Variants in LINGO2 observed in about 807,000 individuals in gnomAD.
The protein encoded by LINGO2 is leucine-rich repeat and immunoglobulin-like domain-containing nogo receptor-interacting protein 2.
A neutral mutation model predicts 30.6 loss-of-function variants in LINGO2; 14 were observed. That is an observed-to-expected ratio of 0.46 (90% CI 0.30 to 0.72). LINGO2 has a LOEUF of 0.72. Ranked by LOEUF, LINGO2 falls within the 30% of genes least tolerant of loss-of-function variation. The probability of loss-of-function intolerance (pLI) is 0.07; values close to 1 mark genes in which losing one functional copy is unlikely to be tolerated. For synonymous variants in LINGO2, 317 were observed against 288.5 expected, an observed-to-expected ratio of 1.10 and a Z score of -1.00; for missense variants, 729 against 751.7, an observed-to-expected ratio of 0.97 and a Z score of 0.35.
At chr9:28,996,769 A>C in the LINGO2 span, among the ~76,000 whole-genome samples, 2 of 152,222 alleles carry the variant, frequency 1.3e-5, no homozygotes, top group Admixed American at 6.5e-5. Flanking sequence ...TAATTCAATG[A>C]TACCTCATAT....
intron 1 of LINGO2, among the ~76,000 whole-genome samples, chr9:28,613,394 G>A (rs960768120): frequency 6.6e-6 from 1 of 151,814 alleles, no homozygotes; most frequent in African/African-American, 2.4e-5. Context: ...GTGTGTGTGT[G>A]TGTATATAGC....
At chr9:29,179,500 G>A in the LINGO2 span, among the ~76,000 whole-genome samples, 6 of 152,088 alleles carry the variant, frequency 3.9e-5, no homozygotes, top group Admixed American at 1.3e-4. Context: ...CGTTTCCAGG[G>A]TTCAAGCAAT....
chr9:28,585,970 G>A (rs1729954470), intron 1 of LINGO2, among the ~76,000 whole-genome samples: 1 of 151,878 alleles, frequency 6.6e-6, no homozygotes, highest in Non-Finnish European at 1.5e-5. Flanking sequence ...TTTCTGGGTT[G>A]AGCATACCTC....
At chr9:28,338,126 C>T (rs149302874) in intron 3 of LINGO2, among the ~76,000 whole-genome samples, 226 of 152,272 alleles carry the variant, frequency 1.5e-3, no homozygotes, top group Non-Finnish European at 2.6e-3. Context: ...CAGAGCTGCC[C>T]AAGGCCATGG....
chr9:29,153,390 T>C, the LINGO2 span, among the ~76,000 whole-genome samples: 1 of 152,198 alleles, frequency 6.6e-6, no homozygotes, highest in Non-Finnish European at 1.5e-5. Context: ...TTATTTCTAA[T>C]GTTAATTATC....
intron 2 of LINGO2, among the ~76,000 whole-genome samples, chr9:28,417,489 C>T (rs886469224): frequency 1.3e-5 from 2 of 152,148 alleles, no homozygotes; most frequent in African/African-American, 2.4e-5. Context: ...AGAAATAATA[C>T]ACTACATAAT....
At chr9:28,845,322 T>G in the LINGO2 span, among the ~76,000 whole-genome samples, 1 of 151,952 alleles carries the variant, frequency 6.6e-6, no homozygotes, top group Non-Finnish European at 1.5e-5. Context: ...CTCTGAATAC[T>G]CTGTGAAAAC....
chr9:28,630,082 C>A lies in LINGO2; in HGVS notation c.-365+40118G>T, dbSNP rs538674056. ...TGATGATTTCCAATTTCATCCATGT[C>A]CCTACAAAGGACATGAACTCTTCAT... On this transcript the variant is annotated intron_variant, in intron 1 of 5. Transcript: ENST00000379992. Among the ~76,000 whole-genome samples, 4 of 152,100 alleles carry A rather than the reference C, an allele frequency of 2.6e-5. No individual in the cohort carries two copies. The East Asian group carries it at 7.8e-4, about 29-fold the overall frequency.
the LINGO2 span, among the ~76,000 whole-genome samples, chr9:29,031,777 T>A: frequency 2.3e-4 from 35 of 152,320 alleles, no homozygotes; most frequent in African/African-American, 8.4e-4. Flanking sequence ...TATGAAACTC[T>A]AAGTGATAAA....
At chr9:28,659,393 A>AT in intron 1 of LINGO2, among the ~76,000 whole-genome samples, 1 of 152,184 alleles carries the variant, frequency 6.6e-6, no homozygotes, top group South Asian at 2.1e-4. Context: ...AGGAGGAAAG[A>AT]TTACCTTCTT....
In LINGO2 at chr9:28,627,960, A is replaced by G. The variant is rs374497433; in HGVS notation, c.-365+42240T>C. Among the ~76,000 whole-genome samples the G allele has an allele frequency of 5.9e-5, 9 of 152,160 alleles. No homozygotes were observed. In the South Asian group the frequency reaches 1.5e-3, roughly 25 times the overall value. ...TATATAACTATGGCAGAAAGAAAAA[A>G]GTTTTTACCTATGCTTACTTGTGTG... On this transcript the variant is annotated intron_variant, in intron 1 of 5. Coordinates refer to ENST00000379992, the Ensembl canonical transcript of LINGO2.
At chr9:28,054,299 T>G (rs1165389134) in intron 4 of LINGO2, among the ~76,000 whole-genome samples, 1 of 152,152 alleles carries the variant, frequency 6.6e-6, no homozygotes, top group Non-Finnish European at 1.5e-5. Context: ...GAGCTACAGC[T>G]GCATCTTAGA....
intron 4 of LINGO2, among the ~76,000 whole-genome samples, chr9:28,204,700 T>A (rs192936930): frequency 1.3e-5 from 2 of 152,278 alleles, no homozygotes; most frequent in African/African-American, 4.8e-5. Context: ...CCAAGAAGAA[T>A]TTGTGTTTTT....
chr9:28,642,372 C>T (rs1827632705), intron 1 of LINGO2, among the ~76,000 whole-genome samples: 1 of 152,050 alleles, frequency 6.6e-6, no homozygotes, highest in Non-Finnish European at 1.5e-5. Flanking sequence ...ATAATCAATA[C>T]CATCTTAATT....
chr9:28,027,163 A>T (rs1215263777), intron 4 of LINGO2, among the ~76,000 whole-genome samples: 1 of 152,228 alleles, frequency 6.6e-6, no homozygotes, highest in Non-Finnish European at 1.5e-5. Context: ...TGATAACCCT[A>T]GAAGCACTTA....
At chr9:28,858,573 G>A in the LINGO2 span, among the ~76,000 whole-genome samples, 3 of 151,938 alleles carry the variant, frequency 2.0e-5, no homozygotes, top group African/African-American at 7.3e-5. Flanking sequence ...CTAAAATGCG[G>A]GTTTCATCCG....
rs1229948992 is a variant in LINGO2 at position 28,650,484 on chromosome 9, C to A, written c.-365+19716G>T. 3.9e-5 allele frequency among the ~76,000 whole-genome samples: 6 copies of A among 152,056 alleles called. No individual in the cohort carries two copies. The East Asian group carries it at 1.2e-3, about 29-fold the overall frequency. Reference sequence around the variant, plus strand: ...ATGGTCCCCAAAGCTAAATGAAATCCCCACATCAGATGAGGTCGCCTTTTC... The same window carrying A: ...ATGGTCCCCAAAGCTAAATGAAATCACCACATCAGATGAGGTCGCCTTTTC... On this transcript the variant is annotated intron_variant, in intron 1 of 5. Coordinates refer to ENST00000379992, the Ensembl canonical transcript of LINGO2.
the LINGO2 span, among the ~76,000 whole-genome samples, chr9:28,703,103 C>T: frequency 6.6e-6 from 1 of 151,044 alleles, no homozygotes; most frequent in Non-Finnish European, 1.5e-5. Context: ...ATATTGATTT[C>T]CTGTTTTCAG....
the LINGO2 span, among the ~76,000 whole-genome samples, chr9:28,761,366 G>A: frequency 6.6e-6 from 1 of 151,706 alleles, no homozygotes; most frequent in Admixed American, 6.6e-5. Context: ...AGCACCCATG[G>A]GGAATGAAAG....
Sources: gnomAD v4.1 joint callset for allele counts (sites outside exome capture counted in the v4.1 genomes callset) on GRCh38, gnomAD v4.1.1 for gene constraint, MANE v1.5 for transcripts, NCBI Gene and HGNC (gene_info 2026-07-23, HGNC 2026-07-21) for gene names.